TONSL: variants seen among roughly 807,000 people sequenced by gnomAD.
The protein encoded by TONSL is tonsoku-like protein.
In TONSL, 112 loss-of-function variants were observed where a neutral mutation model predicts 147.1. The ratio of observed to expected loss-of-function variants is 0.76; its 90% CI spans 0.65 to 0.89. TONSL has a LOEUF of 0.89. Ranked by LOEUF, TONSL falls within the 40% of genes least tolerant of loss-of-function variation. The probability of loss-of-function intolerance (pLI) is 0.00; values close to 1 mark genes in which losing one functional copy is unlikely to be tolerated. For synonymous variants in TONSL, 868 were observed against 801.5 expected (o/e 1.08, Z -1.40); for missense variants, 1,883 against 1,864.6 (o/e 1.01, Z -0.18).
Position 144,444,013 on chromosome 8 carries a change from C to T in TONSL, c.133G>A (p.Glu45Lys). ...ELLAGHGRYA[E>K]ALEQHWQELQ... is the part of the protein sequence containing the mutation. ...TCCTGCCAGTGCTGCTCCAGAGCCTCGGCGTAGCGGCCTAGGCGGGGGCAC... is the reference window on the plus strand; with the variant it reads ...TCCTGCCAGTGCTGCTCCAGAGCCTTGGCGTAGCGGCCTAGGCGGGGGCAC... Residue 45 changes from glutamate (E) to lysine (K), a missense_variant, in exon 3 of 26, where the codon GAG becomes AAG. Glu to Lys is a moderately conservative substitution (Grantham distance 56). Transcript: ENST00000409379. 1 of 1,537,046 alleles carries T rather than the reference C, an allele frequency of 6.5e-7. No homozygotes were observed.
In TONSL at chr8:144,440,123, T is replaced by C. The variant is rs745852961; in HGVS notation, c.1378A>G (p.Ser460Gly). 1.2e-6 allele frequency: 2 copies of C among 1,612,064 alleles called. No individual in the cohort carries two copies. The highest frequency in any genetic ancestry group is 1.7e-5 in the Admixed American group (1 of 59,826). ...PETETRLRELSVAEDEDEEEE... is the reference protein window; with the variant it reads ...PETETRLRELGVAEDEDEEEE... ...TCCTCATCTTCATCTTCAGCTACAC[T>C]GAGCTCCCGTAGTCTGGTTTCGGTC... Residue 460 changes from serine (S) to glycine (G), a missense_variant, in exon 11 of 26, where the codon AGT (serine) becomes GGT (glycine). By Grantham distance (56) the Ser-to-Gly change is moderately conservative (BLOSUM62 0). Transcript: ENST00000409379.
chr8:144,429,235 T>C lies in TONSL; in HGVS notation c.4045A>G (p.Arg1349Gly), dbSNP rs1554878036. Reference protein sequence around the residue: ...LCSRRLCAEDRDALRQLQPSR... With the variant: ...LCSRRLCAEDGDALRQLQPSR... The stretch of plus-strand genomic sequence containing the variant: ...GGCTGCAGCTGGCGCAGGGCGTCCC[T>C]GTCCTCAGCGCAGAGGCGTCTGCTG... The change falls in exon 26 of 26, where the codon AGG becomes GGG. Residue 1349 changes from arginine (R) to glycine (G), a missense_variant. Coordinates refer to ENST00000409379, the MANE Select transcript of TONSL (RefSeq NM_013432.5). The C allele has an allele frequency of 6.5e-7, 1 of 1,535,268 alleles. No homozygotes were observed. Among genetic ancestry groups the C allele is most frequent in the Admixed American group, 2.0e-5 (1 of 50,680 alleles).
intron 11 of TONSL, 29 bp from the exon 12 acceptor site, chr8:144,438,764 G>T: frequency 6.2e-7 from 1 of 1,606,522 alleles, no homozygotes; most frequent in African/African-American, 1.3e-5. Flanking sequence ...CACCCCAGGG[G>T]AGTCCGTGGG....
Position 144,436,029 on chromosome 8 carries a change from C to A in TONSL, c.2404G>T (p.Ala802Ser). Reference protein sequence around the residue: ...YQAAIRGVGSAQSRLGPGPPR... With the variant: ...YQAAIRGVGSSQSRLGPGPPR... ...GGGCCAGGCCCCAGCCGGCTCTGAG[C>A]ACTGCCCACACCCCGGATGGCTGCC... Residue 802 changes from alanine to serine, a missense_variant, in exon 17 of 26, where the codon GCT becomes TCT. Transcript: ENST00000409379. The A allele has an allele frequency of 6.4e-7, 1 of 1,565,810 alleles. No homozygotes were observed. Among genetic ancestry groups the A allele is most frequent in the Non-Finnish European group, 8.6e-7 (1 of 1,160,700 alleles).
intron 11 of TONSL, among the ~76,000 whole-genome samples, chr8:144,439,458 T>C (rs1436925471): frequency 6.6e-6 from 1 of 151,916 alleles, no homozygotes; most frequent in African/African-American, 2.4e-5. Flanking sequence ...CAGCCTTCCC[T>C]GGAACACCCC....
rs756404553 is a variant in TONSL at position 144,436,876 on chromosome 8, G to A, written c.1771C>T (p.Pro591Ser). ...LLDHGAAVDD[P>S]GGQGCEGITP... ...ATGCCTTCGCAGCCCTGGCCACCTG[G>A]GTCGTCCACTGCGGCCCCGTGGTCC... Residue 591 changes from proline to serine, a missense_variant, in exon 15 of 26, where the codon CCA (proline) becomes TCA (serine). Coordinates refer to ENST00000409379, the MANE Select transcript of TONSL (RefSeq NM_013432.5). 3.7e-6 allele frequency: 6 copies of A among 1,609,602 alleles called. No individual in the cohort carries two copies. The South Asian group carries it at 6.6e-5, about 18-fold the overall frequency.
chr8:144,444,428 C>T lies in TONSL; in HGVS notation c.-14G>A. The T allele has an allele frequency of 1.6e-6, 2 of 1,231,672 alleles. No homozygotes were observed. Among genetic ancestry groups the T allele is most frequent in the Middle Eastern group, 3.1e-4 (1 of 3,228 alleles). 76.3% of individuals were successfully genotyped at this position (1,231,672 alleles called of 1,614,324 possible). On this transcript the variant is annotated 5_prime_UTR_variant, in exon 1 of 26. Transcript: ENST00000409379. ...CTCCAGGCTCATGCTCGGATCGCCG[C>T]GGGATCCGGACTTCCCGCGCTGCGC...
At chr8:144,439,301 C>G (rs1359119039) in intron 11 of TONSL, among the ~76,000 whole-genome samples, 1 of 152,190 alleles carries the variant, frequency 6.6e-6, no homozygotes, top group Admixed American at 6.5e-5. Flanking sequence ...CAGCTCCTCA[C>G]TGTGCCCACC....
Position 144,440,038 on chromosome 8 carries a change from A to G in TONSL, c.1463T>C (p.Val488Ala). 7.2e-7 allele frequency: 1 copy of G among 1,388,682 alleles called. No individual in the cohort carries two copies. The highest frequency in any genetic ancestry group is 1.0e-6 in the Non-Finnish European group (1 of 976,364). The allele number at this position is 1,388,682 out of a possible 1,614,324, so 86.0% of individuals were successfully genotyped here. A position where few individuals can be genotyped will look rare whatever the true frequency, so the allele number is the denominator to read the frequency against. Residue 488 changes from valine (V) to alanine (A), a missense_variant, in exon 11 of 26, where the codon GTG becomes GCG. Coordinates refer to ENST00000409379, the MANE Select transcript of TONSL (RefSeq NM_013432.5). ...GCCCTCACCGCCCTCTGAGAGCTCC[A>G]CCTCGCCGGCCTCCAGGGCTTCGCT... is the stretch of plus-strand genomic sequence containing the variant. ...AESEALEAGE[V>A]ELSEGEDDTD...
In TONSL at chr8:144,428,935, T is replaced by A. The variant is rs1456597393; in HGVS notation, c.*208A>T. 2 of 521,536 alleles carry A rather than the reference T, an allele frequency of 3.8e-6. No homozygotes were observed. 32.3% of individuals were successfully genotyped at this position (521,536 alleles called of 1,614,324 possible). A position where few individuals can be genotyped will look rare whatever the true frequency, so the allele number is the denominator to read the frequency against. On this transcript the variant is annotated 3_prime_UTR_variant, in exon 26 of 26. Transcript: ENST00000409379. ...CTCCGGAGTAGCTGGGACTACAGGC[T>A]TCCACCACCACGCCCGGCTAATTTT...
rs767028744 is a variant in TONSL at position 144,440,083 on chromosome 8, T to G, written c.1418A>C (p.Glu473Ala). 1 of 1,603,552 alleles carries G rather than the reference T, an allele frequency of 6.2e-7. No individual in the cohort carries two copies. Among genetic ancestry groups the G allele is most frequent in the Admixed American group, 1.7e-5 (1 of 59,558 alleles). Residue 473 changes from glutamate (E) to alanine (A), a missense_variant, in exon 11 of 26, where the codon GAG becomes GCG. Physicochemically the swap from Glu to Ala is moderately radical, Grantham distance 107 (BLOSUM62 -1). Transcript: ENST00000409379. ...TTCGCTCTCCGCTGTGGCTGCCGCC[T>G]CCTCCGCCTCCTCCTCCTCATCTTC... ...EDEDEEEEAEEAAATAESEAL... is the reference protein window; with the variant it reads ...EDEDEEEEAEAAAATAESEAL...
Position 144,431,074 on chromosome 8 carries a change from T to A in TONSL, c.3809+4A>T. ...GTCAGCAGGCAGCAGGGAAAGGGCGTTACCTGCACAGGTCTCTAACAGCCT... is the reference window on the plus strand; with the variant it reads ...GTCAGCAGGCAGCAGGGAAAGGGCGATACCTGCACAGGTCTCTAACAGCCT... On this transcript the variant is annotated splice_donor_region_variant and intron_variant, in intron 24 of 25. Coordinates refer to ENST00000409379, the MANE Select transcript of TONSL (RefSeq NM_013432.5). 2 of 1,614,056 alleles carry A rather than the reference T, an allele frequency of 1.2e-6. No individual in the cohort carries two copies. Among genetic ancestry groups the A allele is most frequent in the Non-Finnish European group, 1.7e-6 (2 of 1,179,942 alleles).
intron 13 of TONSL, among the ~76,000 whole-genome samples, 194 bp from the exon 14 acceptor site, chr8:144,437,293 A>C (rs1185533551): frequency 1.3e-5 from 2 of 152,214 alleles, no homozygotes; most frequent in African/African-American, 4.8e-5. Context: ...CAGGTGGACC[A>C]GCCACAGCAT....
At position 144,444,436 on chromosome 8, in the gene TONSL, G is replaced by A. The variant is rs1257601078; in HGVS notation, c.-22C>T. 5 of 1,228,400 alleles carry A rather than the reference G, an allele frequency of 4.1e-6. No homozygotes were observed. Among genetic ancestry groups the A allele is most frequent in the East Asian group, 6.4e-5 (2 of 31,260 alleles). 76.1% of individuals were successfully genotyped at this position (1,228,400 alleles called of 1,614,324 possible). A position where few individuals can be genotyped will look rare whatever the true frequency, so the allele number is the denominator to read the frequency against. ...TCATGCTCGGATCGCCGCGGGATCC[G>A]GACTTCCCGCGCTGCGCCGCGGCCC... On this transcript the variant is annotated 5_prime_UTR_variant, in exon 1 of 26. Transcript: ENST00000409379.
chr8:144,442,526 T>G (rs1823758408), intron 5 of TONSL, 114 bp from the exon 6 acceptor site: 1 of 1,479,650 alleles, frequency 6.8e-7, no homozygotes, highest in Non-Finnish European at 9.0e-7. Flanking sequence ...ATGCCTGGCC[T>G]TCTCCCAGTG....
intron 23 of TONSL, 75 bp downstream of exon 23, chr8:144,432,210 C>G (rs539569361): frequency 2.7e-6 from 4 of 1,499,408 alleles, no homozygotes; most frequent in Non-Finnish European, 3.7e-6. Flanking sequence ...TGGGGAGAGG[C>G]GAGCTCCTCC....
chr8:144,429,180 A>G lies in TONSL; in HGVS notation c.4100T>C (p.Leu1367Pro). ...AAAGAAGAGCTTGGAGCCGTGGTCC[A>G]GCGTGCACTCGCCGGGGCCCGGCCG... ...PSRPGPGECT[L>P]DHGSKLFFRR... Residue 1367 changes from leucine to proline, a missense_variant, in exon 26 of 26, where the codon CTG becomes CCG. Leu to Pro is a moderately conservative substitution (Grantham distance 98). Transcript: ENST00000409379. 1.3e-6 allele frequency: 2 copies of G among 1,534,610 alleles called. No individual in the cohort carries two copies. The highest frequency in any genetic ancestry group is 2.4e-5 in the South Asian group (2 of 83,754).
intron 20 of TONSL, 107 bp from the exon 21 acceptor site, chr8:144,434,386 AC>A: frequency 2.0e-6 from 2 of 1,002,678 alleles, no homozygotes; most frequent in Non-Finnish European, 2.8e-6. Context: ...GGGGTCACCC[AC>A]CAGACTTGCT....
At position 144,433,677 on chromosome 8, in the gene TONSL, G is replaced by A; in HGVS notation, c.3470C>T (p.Pro1157Leu). The A allele has an allele frequency of 6.2e-7, 1 of 1,612,962 alleles. No homozygotes were observed. The highest frequency in any genetic ancestry group is 8.5e-7 in the Non-Finnish European group (1 of 1,179,864). Residue 1157 changes from proline to leucine, a missense_variant, in exon 22 of 26, where the codon CCC (proline) becomes CTC (leucine). Physicochemically the swap from Pro to Leu is moderately conservative, Grantham distance 98 (BLOSUM62 -3). Transcript: ENST00000409379. ...QSLASLLHAC[P>L]LLSTLRLQAC... Reference sequence around the variant, plus strand: ...CTGCAGGCGCAGGGTGCTGAGTAAGGGGCAGGCGTGCAGGAGGGAGGCCAG... The same window carrying A: ...CTGCAGGCGCAGGGTGCTGAGTAAGAGGCAGGCGTGCAGGAGGGAGGCCAG...
Sources: allele counts gnomAD v4.1 joint callset (sites outside exome capture counted in the v4.1 genomes callset), GRCh38; gene constraint gnomAD v4.1.1; transcripts MANE v1.5; gene names NCBI Gene and HGNC (gene_info 2026-07-23, HGNC 2026-07-21).